The following LAMA3 variants were observed in gnomAD, a reference collection of about 807,000 sequenced individuals.
LAMA3 encodes the protein laminin subunit alpha-3.
A neutral mutation model predicts 402.0 loss-of-function variants in LAMA3; 281 were observed. The ratio of observed to expected loss-of-function variants is 0.70; its 90% confidence interval spans 0.63 to 0.77. LAMA3 has a LOEUF of 0.77. Ranked by LOEUF, LAMA3 falls within the 30% of genes least tolerant of loss-of-function variation. LAMA3 has a pLI of 0.00. For missense variants in LAMA3, 3,840 were observed against 4,215.5 expected, an observed-to-expected ratio of 0.91 and a Z score of 2.47; for synonymous variants, 1,431 against 1,558.4, an observed-to-expected ratio of 0.92 and a Z score of 1.93.
chr18:23,901,231 G>A lies in LAMA3; in HGVS notation c.6109G>A (p.Asp2037Asn), dbSNP rs1227760458. The change falls in exon 48 of 75, where the codon GAC becomes AAC. Residue 2037 changes from aspartate (D) to asparagine (N), a missense_variant. Transcript: ENST00000313654. Reference protein sequence around the residue: ...SLNEYEAKLSDLRARLQEAAA... With the variant: ...SLNEYEAKLSNLRARLQEAAA... ...AAATGAATACGAAGCCAAACTCAGTGACCTTCGTGCTCGGCTGCAGGAGGC... is the reference window on the plus strand; with the variant it reads ...AAATGAATACGAAGCCAAACTCAGTAACCTTCGTGCTCGGCTGCAGGAGGC... 2 of 1,614,130 alleles carry A rather than the reference G, an allele frequency of 1.2e-6. No homozygotes were observed. Among genetic ancestry groups the A allele is most frequent in the South Asian group, 1.1e-5 (1 of 91,076 alleles).
chr18:23,773,390 A>C (rs893395532), intron 8 of LAMA3, 107 bp from the exon 9 acceptor site: 1 of 789,802 alleles, frequency 1.3e-6, no homozygotes, highest in African/African-American at 1.7e-5. Context: ...GTGACTTCAA[A>C]ATTACAATTG....
intron 39 of LAMA3, among the ~76,000 whole-genome samples, chr18:23,880,115 A>T (rs2064848081): frequency 6.6e-6 from 1 of 152,214 alleles, no homozygotes; most frequent in South Asian, 2.1e-4. Flanking sequence ...GGGTGAGGGA[A>T]GCCGCTGGTG....
At chr18:23,837,570 G>GACATATATATATATATATAT (rs1555707624) in intron 25 of LAMA3, among the ~76,000 whole-genome samples, 1 of 83,284 alleles carries the variant, frequency 1.2e-5, no homozygotes, top group Non-Finnish European at 2.3e-5. Context: ...CAGTTAATCA[G>GACATATATATATATATATAT]ATATATATAT....
Position 23,842,695 on chromosome 18 carries a change from C to G in LAMA3, c.3548C>G (p.Ser1183Ter). The change falls in exon 29 of 75, where the codon TCA becomes TGA. Residue 1183 changes from serine to a stop codon, truncating the protein, a stop_gained. Coordinates refer to ENST00000313654, the MANE Select transcript of LAMA3 (RefSeq NM_198129.4). LOFTEE classifies it high-confidence loss of function. ...GAAGGCCAGATTGAGTTTGACATCT[C>G]AGAGCCTGAAGTGGCCGCAACTGTG... Reference protein sequence around the residue: ...IAEGQIEFDISEPEVAATVKV... With the variant: ...IAEGQIEFDI The G allele has an allele frequency of 1.2e-6, 2 of 1,614,188 alleles. No individual in the cohort carries two copies. The highest frequency in any genetic ancestry group is 1.7e-6 in the Non-Finnish European group (2 of 1,180,034).
intron 24 of LAMA3, chr18:23,834,570 G>A (rs2063547369): frequency 6.1e-6 from 1 of 162,782 alleles, no homozygotes; most frequent in Non-Finnish European, 1.4e-5. Flanking sequence ...CAAGATGTGT[G>A]CAAATGTTCA....
chr18:23,759,252 G>T (rs1335163956), intron 7 of LAMA3, among the ~76,000 whole-genome samples: 1 of 150,832 alleles, frequency 6.6e-6, no homozygotes, highest in Non-Finnish European at 1.5e-5. Flanking sequence ...TGGGAGAATG[G>T]CTTGAGCCCA....
chr18:23,707,007 G>A (rs979840040), intron 1 of LAMA3, among the ~76,000 whole-genome samples: 4 of 152,224 alleles, frequency 2.6e-5, no homozygotes, highest in Admixed American at 2.0e-4. Context: ...AAACCCTGGA[G>A]GCAGAGGTTG....
chr18:23,817,247 T>C (rs2063194417), intron 18 of LAMA3, among the ~76,000 whole-genome samples: 1 of 152,186 alleles, frequency 6.6e-6, no homozygotes, highest in African/African-American at 2.4e-5. Context: ...TATTTTACCA[T>C]TTATAAACGT....
At chr18:23,949,658 C>A in intron 70 of LAMA3, 107 bp from the exon 71 acceptor site, 1 of 1,062,096 alleles carries the variant, frequency 9.4e-7, no homozygotes, top group East Asian at 2.4e-5. Flanking sequence ...TGAATCCCTA[C>A]CTACCTTCCC....
At chr18:23,841,717 G>A (rs1365805261) in intron 27 of LAMA3, among the ~76,000 whole-genome samples, 2 of 152,146 alleles carry the variant, frequency 1.3e-5, no homozygotes, top group Non-Finnish European at 2.9e-5. Flanking sequence ...GAGACCGTGA[G>A]CTTAAGACCT....
In LAMA3 at chr18:23,741,098, T is replaced by G. The variant is rs11873018; in HGVS notation, c.448-6845T>G. 9.2e-5 allele frequency among the ~76,000 whole-genome samples: 14 copies of G among 151,996 alleles called. No individual in the cohort carries two copies. The South Asian group carries it at 2.5e-3, about 27-fold the overall frequency. The stretch of plus-strand genomic sequence containing the variant: ...CCTCCCGAGTAGCTGGGGCTACAGG[T>G]GCCTGCCACCACGCCTGGCTAATTT... On this transcript the variant is annotated intron_variant, in intron 2 of 74. Coordinates refer to ENST00000313654, the MANE Select transcript of LAMA3 (RefSeq NM_198129.4).
At chr18:23,875,039 T>C (rs556705496) in intron 38 of LAMA3, among the ~76,000 whole-genome samples, 27 of 152,252 alleles carry the variant, frequency 1.8e-4, no homozygotes, top group African/African-American at 6.5e-4. Context: ...AATTGTTGTA[T>C]TTTTTGGTAG....
chr18:23,828,580 A>ATG (rs898505805), intron 23 of LAMA3, among the ~76,000 whole-genome samples: 2 of 152,000 alleles, frequency 1.3e-5, no homozygotes, highest in African/African-American at 2.4e-5. Flanking sequence ...AGGTATATGT[A>ATG]TGTGTGTGTG....
At chr18:23,744,499 A>G (rs1190976543) in intron 2 of LAMA3, among the ~76,000 whole-genome samples, 2 of 152,118 alleles carry the variant, frequency 1.3e-5, no homozygotes, top group Non-Finnish European at 1.5e-5. Context: ...GGGCACATCA[A>G]TTGCTGCTAG....
intron 48 of LAMA3, among the ~76,000 whole-genome samples, chr18:23,902,215 A>C (rs2081095282): frequency 6.6e-6 from 1 of 152,112 alleles, no homozygotes; most frequent in East Asian, 1.9e-4. Context: ...AGTCTCAGCT[A>C]CTCGGGAGGC....
intron 38 of LAMA3, among the ~76,000 whole-genome samples, chr18:23,873,372 T>A (rs2064597346): frequency 6.6e-6 from 1 of 152,200 alleles, no homozygotes. Context: ...TTACAGTGCC[T>A]GACAGATTGC....
rs61049385 is a variant in LAMA3, at chr18:23,765,353, G to A, written c.1182+1830G>A. Among the ~76,000 whole-genome samples, 561 of 152,242 alleles carry A rather than the reference G, an allele frequency of 3.7e-3. 3 individuals carry two copies. Among genetic ancestry groups the A allele is most frequent in the African/African-American group, 0.013 (521 of 41,526 alleles). On this transcript the variant is annotated intron_variant, in intron 8 of 74. Coordinates refer to ENST00000313654, the MANE Select transcript of LAMA3 (RefSeq NM_198129.4). ...AAGTTTCTGACTGACCCCTCAGTCC[G>A]TTTTCCATACAATCCAAGCACAGGA...
intron 13 of LAMA3, among the ~76,000 whole-genome samples, chr18:23,812,393 G>C (rs1407238245): frequency 6.6e-6 from 1 of 152,162 alleles, no homozygotes; most frequent in East Asian, 1.9e-4. Flanking sequence ...AGCTGAGGCA[G>C]ACAGAAGCAA....
intron 2 of LAMA3, among the ~76,000 whole-genome samples, chr18:23,745,678 G>A (rs1568137353): frequency 2.6e-5 from 4 of 152,156 alleles, no homozygotes; most frequent in Admixed American, 2.6e-4. Flanking sequence ...ATAAAACTCC[G>A]CTTCTTATTA....
Sources: gnomAD v4.1 joint callset for allele counts (sites outside exome capture counted in the v4.1 genomes callset) on GRCh38, gnomAD v4.1.1 for gene constraint, MANE v1.5 for transcripts, NCBI Gene and HGNC (gene_info 2026-07-23, HGNC 2026-07-21) for gene names.